MED13: variants seen among roughly 807,000 people sequenced by gnomAD.
MED13 encodes the protein mediator of RNA polymerase II transcription subunit 13.
A neutral mutation model predicts 225.2 loss-of-function variants in MED13; 23 were observed. The observed-to-expected ratio is 0.10, with a 90% CI of 0.07 to 0.14. The LOEUF is 0.14. MED13 is among the 10% of genes least tolerant of loss of function. The pLI, the probability that MED13 is intolerant of heterozygous loss-of-function variation, is 1.00. For synonymous variants in MED13, 942 were observed against 889.2 expected (o/e 1.06, Z -1.06); for missense variants, 2,197 against 2,594.5 (o/e 0.85, Z 3.33).
chr17:61,970,296 A>T (rs2080095550), intron 17 of MED13, among the ~76,000 whole-genome samples: 1 of 152,196 alleles, frequency 6.6e-6, no homozygotes, highest in Non-Finnish European at 1.5e-5. Flanking sequence ...TCAAACTATA[A>T]TGGGAAATAA....
chr17:61,951,266 A>G (rs1412536286), intron 27 of MED13, among the ~76,000 whole-genome samples: 1 of 152,242 alleles, frequency 6.6e-6, no homozygotes, highest in Non-Finnish European at 1.5e-5. Flanking sequence ...AAAGTTTGTA[A>G]AACTTCACAG....
chr17:61,943,616 A>G lies in MED13; in HGVS notation c.*2852T>C, dbSNP rs1182201435. 6.6e-6 allele frequency: 1 copy of G among 152,594 alleles called. No individual in the cohort carries two copies. The highest frequency in any genetic ancestry group is 2.4e-5 in the African/African-American group (1 of 41,452). 9.5% of individuals were successfully genotyped at this position (152,594 alleles called of 1,614,324 possible). ...ATATTTAAAAATTACAGCTACTTTA[A>G]AATTTAAGGATTACATATAAGTACA... On this transcript the variant is annotated 3_prime_UTR_variant, in exon 30 of 30. Transcript: ENST00000397786.
At position 61,962,868 on chromosome 17, in the gene MED13, C is replaced by T. The variant is rs864309592; in HGVS notation, c.4948G>A (p.Glu1650Lys). 9.3e-6 allele frequency: 15 copies of T among 1,614,014 alleles called. No homozygotes were observed. Among genetic ancestry groups the T allele is most frequent in the African/African-American group, 1.3e-5 (1 of 75,006 alleles). The change falls in exon 21 of 30, where the codon GAA (glutamate) becomes AAA (lysine). Residue 1650 changes from glutamate (E) to lysine (K), a missense_variant. This residue lies in a region of MED13 where 457 missense variants were observed against 442.2 expected (regional missense o/e 1.03). Transcript: ENST00000397786. ...GAGTTAGTGCTCTCGTCTGTATTTT[C>T]GTATGTAAAAGGATCAATTATATAA... ...VVYIIDPFTYENTDESTNSSS... is the reference protein window; with the variant it reads ...VVYIIDPFTYKNTDESTNSSS...
intron 16 of MED13, among the ~76,000 whole-genome samples, chr17:61,978,696 T>C (rs1265297499): frequency 2.6e-5 from 4 of 152,214 alleles, no homozygotes; most frequent in African/African-American, 9.7e-5. Flanking sequence ...GCTAGAGTCA[T>C]GTTTCAAACC....
chr17:62,043,725 C>A (rs2143724015), intron 3 of MED13, among the ~76,000 whole-genome samples: 1 of 152,342 alleles, frequency 6.6e-6, no homozygotes, highest in Non-Finnish European at 1.5e-5. Context: ...ACAGCACACA[C>A]ACCTAATTTC....
chr17:61,947,701 C>A (rs908867360), intron 28 of MED13, among the ~76,000 whole-genome samples: 1 of 152,072 alleles, frequency 6.6e-6, no homozygotes, highest in Non-Finnish European at 1.5e-5. Flanking sequence ...CCTGCTTTGC[C>A]CACTCAATTT....
intron 10 of MED13, among the ~76,000 whole-genome samples, chr17:61,993,948 CAA>C (rs111448799): frequency 0.069 from 10,032 of 144,840 alleles, 567 homozygotes; most frequent in South Asian, 0.31. Context: ...AACAAACAAA[CAA>C]AAAAAAAAAC....
intron 3 of MED13, among the ~76,000 whole-genome samples, chr17:62,043,100 G>A (rs1172176697): frequency 7.9e-6 from 1 of 126,080 alleles, no homozygotes; most frequent in East Asian, 2.8e-4. Flanking sequence ...AGGTTGGAGT[G>A]AGTCAAGATT....
Position 61,944,375 on chromosome 17 carries a change from T to TG in MED13, c.*2092_*2093insC, listed in dbSNP as rs2079837175. 1 of 151,546 alleles carries TG rather than the reference T, an allele frequency of 6.6e-6. No homozygotes were observed. Among genetic ancestry groups the TG allele is most frequent in the African/African-American group, 2.4e-5 (1 of 41,092 alleles). The allele number at this position is 151,546 out of a possible 1,614,324, so 9.4% of individuals were successfully genotyped here. A position where few individuals can be genotyped will look rare whatever the true frequency, so the allele number is the denominator to read the frequency against. ...TTTTCCTTCAAATCTCAGACAAGTT[T>TG]TTTTTTTTTTTTTAAAGAAAGTACA... On this transcript the variant is annotated 3_prime_UTR_variant, in exon 30 of 30. Coordinates refer to ENST00000397786, the MANE Select transcript of MED13 (RefSeq NM_005121.3).
intron 27 of MED13, 50 bp downstream of exon 27, chr17:61,952,915 G>GT (rs2079909096): frequency 6.3e-7 from 1 of 1,582,536 alleles, no homozygotes; most frequent in Non-Finnish European, 8.6e-7. Flanking sequence ...GATTTTAGGC[G>GT]TAAGCCACTG....
At chr17:62,034,125 CT>C in intron 4 of MED13, 141 bp from the exon 5 acceptor site, 1 of 673,880 alleles carries the variant, frequency 1.5e-6, no homozygotes, top group Non-Finnish European at 2.5e-6. Flanking sequence ...GAAAAATCAA[CT>C]TATTATACTT....
Position 61,965,018 on chromosome 17 carries a change from T to A in MED13, c.4832A>T (p.Asp1611Val). The A allele has an allele frequency of 1.2e-6, 2 of 1,613,920 alleles. No individual in the cohort carries two copies. Among genetic ancestry groups the A allele is most frequent in the Non-Finnish European group, 1.7e-6 (2 of 1,179,878 alleles). Reference sequence around the variant, plus strand: ...TTTTTAAAGGTACCTTTCAGACACATCAGGATGCGGCTGAGTGGGAAGTGA... The same window carrying A: ...TTTTTAAAGGTACCTTTCAGACACAACAGGATGCGGCTGAGTGGGAAGTGA... ...SSSLPTQPHP[D>V]VSESTMDRDK... The change falls in exon 20 of 30, where the codon GAT (aspartate) becomes GTT (valine). Residue 1611 changes from aspartate (D) to valine (V), a missense_variant. By Grantham distance (152) the Asp-to-Val change is radical. Transcript: ENST00000397786.
At chr17:61,987,533 T>C (rs1480918401) in intron 11 of MED13, among the ~76,000 whole-genome samples, 1 of 152,130 alleles carries the variant, frequency 6.6e-6, no homozygotes, top group Non-Finnish European at 1.5e-5. Context: ...ATAAGGGGAT[T>C]ATGCAACAAG....
At chr17:61,951,385 G>A (rs1402248754) in intron 27 of MED13, among the ~76,000 whole-genome samples, 1 of 152,148 alleles carries the variant, frequency 6.6e-6, no homozygotes, top group African/African-American at 2.4e-5. Context: ...ATTTAGCTTT[G>A]TTAATCTAGC....
At chr17:62,052,415 TC>T in intron 3 of MED13, 121 bp downstream of exon 3, 1 of 626,188 alleles carries the variant, frequency 1.6e-6, no homozygotes, top group East Asian at 3.2e-5. Flanking sequence ...TATCTAGTAC[TC>T]TGTCACTGAC....
chr17:61,995,498 G>A, intron 9 of MED13, 133 bp from the exon 10 acceptor site: 1 of 593,636 alleles, frequency 1.7e-6, no homozygotes, highest in East Asian at 3.2e-5. Context: ...TCAGAAATGA[G>A]GAGGCATGAA....
At chr17:62,063,858 T>G (rs922593051) in intron 1 of MED13, among the ~76,000 whole-genome samples, 2 of 152,204 alleles carry the variant, frequency 1.3e-5, no homozygotes, top group African/African-American at 4.8e-5. Context: ...GAACTGATCC[T>G]AAAAGTACCA....
intron 9 of MED13, among the ~76,000 whole-genome samples, chr17:61,999,845 C>T (rs1358644331): frequency 2.6e-5 from 4 of 152,030 alleles, no homozygotes; most frequent in Non-Finnish European, 4.4e-5. Flanking sequence ...TCACCGGAGA[C>T]CAGGAGTTCA....
intron 9 of MED13, among the ~76,000 whole-genome samples, chr17:62,002,260 T>C (rs2080401913): frequency 6.6e-6 from 1 of 152,012 alleles, no homozygotes; most frequent in East Asian, 1.9e-4. Context: ...GAGGCTGAGG[T>C]GGGCGGATCA....
Sources: allele counts gnomAD v4.1 joint callset (sites outside exome capture counted in the v4.1 genomes callset), GRCh38; gene constraint gnomAD v4.1.1; regional missense constraint gnomAD v4.1.1; transcripts MANE v1.5; gene names NCBI Gene and HGNC (gene_info 2026-07-23, HGNC 2026-07-21).